STK32A: variants seen among roughly 807,000 people sequenced by gnomAD.
STK32A encodes serine/threonine-protein kinase 32A.
STK32A carries 41 observed loss-of-function variants against 53.2 expected under a neutral mutation model. That is an observed-to-expected ratio of 0.77 (90% CI 0.60 to 1.00). The LOEUF (loss-of-function observed/expected upper bound fraction) is 1.00, where lower values mean the gene tolerates loss of function less well. STK32A is among the 50% of genes least tolerant of loss of function. STK32A has a pLI of 0.00. For missense variants in STK32A, 458 were observed against 485.8 expected (o/e 0.94, Z 0.54); for synonymous variants, 166 against 162.8 (o/e 1.02, Z -0.15).
intron 2 of STK32A, among the ~76,000 whole-genome samples, chr5:147,268,834 C>A (rs1754915003): frequency 6.6e-6 from 1 of 152,112 alleles, no homozygotes; most frequent in Admixed American, 6.6e-5. Context: ...TTGATGGGAT[C>A]TGAGTTGTGA....
At chr5:147,368,758 A>G (rs527556699) in intron 8 of STK32A, among the ~76,000 whole-genome samples, 4 of 152,320 alleles carry the variant, frequency 2.6e-5, no homozygotes, top group East Asian at 1.9e-4. Flanking sequence ...TTAAAAATTA[A>G]ATTCAGTCAT....
intron 4 of STK32A, among the ~76,000 whole-genome samples, chr5:147,319,953 CT>C (rs1251700793): frequency 6.6e-6 from 1 of 152,094 alleles, no homozygotes; most frequent in East Asian, 1.9e-4. Flanking sequence ...GGTTTTCAAG[CT>C]TTTTTGACTG....
At position 147,357,292 on chromosome 5, in the gene STK32A, C is replaced by T. The variant is rs141808435; in HGVS notation, c.563-4225C>T. On this transcript the variant is annotated intron_variant, in intron 7 of 12. Coordinates refer to ENST00000397936, the MANE Select transcript of STK32A (RefSeq NM_001112724.2). Reference sequence around the variant, plus strand: ...TCATTTCCCTGCATTCTTATCAGTGCTACACTATCAATATCTTTAATTGTC... The same window carrying T: ...TCATTTCCCTGCATTCTTATCAGTGTTACACTATCAATATCTTTAATTGTC... Among the ~76,000 whole-genome samples, 425 of 152,146 alleles carry T rather than the reference C, an allele frequency of 2.8e-3. 1 individual carries two copies. The highest frequency in any genetic ancestry group is 8.5e-3 in the African/African-American group (355 of 41,536).
chr5:147,351,246 G>T, intron 7 of STK32A, 92 bp downstream of exon 7: 2 of 1,090,322 alleles, frequency 1.8e-6, no homozygotes, highest in East Asian at 2.5e-5. Flanking sequence ...AGCTAGAACT[G>T]GTAAGTTCCT....
intron 5 of STK32A, among the ~76,000 whole-genome samples, chr5:147,338,274 C>T (rs1033240046): frequency 1.1e-4 from 16 of 152,088 alleles, no homozygotes; most frequent in African/African-American, 3.9e-4. Context: ...TTATAAAGGG[C>T]AATTCCCCTG....
At chr5:147,277,621 G>T (rs1751826851) in intron 2 of STK32A, among the ~76,000 whole-genome samples, 2 of 152,102 alleles carry the variant, frequency 1.3e-5, no homozygotes, top group Admixed American at 1.3e-4. Flanking sequence ...AAGAAAATAG[G>T]CAAGGAGAAC....
the STK32A span, chr5:147,392,982 T>A: frequency 1.3e-5 from 2 of 152,222 alleles, no homozygotes; most frequent in East Asian, 3.8e-4. Context: ...CTATTTATCA[T>A]GGATGTGCCA....
At chr5:147,360,965 C>A (rs141014554) in intron 7 of STK32A, among the ~76,000 whole-genome samples, 3 of 152,174 alleles carry the variant, frequency 2.0e-5, no homozygotes, top group African/African-American at 7.2e-5. Flanking sequence ...AAAGAACCCA[C>A]AGCTGTTGTA....
the STK32A span, among the ~76,000 whole-genome samples, chr5:147,394,682 CAA>C: frequency 6.2e-5 from 9 of 144,698 alleles, no homozygotes; most frequent in East Asian, 8.0e-4. Context: ...ACAACAACAA[CAA>C]AAAAAAAAAG....
chr5:147,255,347 A>G (rs771223646), intron 2 of STK32A, among the ~76,000 whole-genome samples: 1 of 152,160 alleles, frequency 6.6e-6, no homozygotes, highest in Non-Finnish European at 1.5e-5. Context: ...AGGTTAGTTA[A>G]GGGAGGTTTC....
chr5:147,326,711 G>T (rs1323971572), intron 5 of STK32A, among the ~76,000 whole-genome samples: 1 of 152,112 alleles, frequency 6.6e-6, no homozygotes, highest in Non-Finnish European at 1.5e-5. Flanking sequence ...AGACCTACTT[G>T]TACCTTGGTC....
chr5:147,269,235 A>G (rs1019918), intron 2 of STK32A, among the ~76,000 whole-genome samples: 89,692 of 152,048 alleles, frequency 0.59, 26,812 homozygotes, highest in African/African-American at 0.67. Context: ...GTTAGCTACT[A>G]TGAATTTTTC....
intron 5 of STK32A, among the ~76,000 whole-genome samples, chr5:147,338,043 G>C (rs186646653): frequency 1.4e-4 from 21 of 152,242 alleles, no homozygotes; most frequent in Non-Finnish European, 2.6e-4. Flanking sequence ...AAGTCACCAA[G>C]AATAATAAAT....
the STK32A span, chr5:147,397,516 G>T: frequency 1.2e-6 from 1 of 815,108 alleles, no homozygotes; most frequent in Non-Finnish European, 1.8e-6. Flanking sequence ...AGTACATTAA[G>T]TCTGTGTAGT....
At chr5:147,377,363 AG>A in intron 11 of STK32A, among the ~76,000 whole-genome samples, 1 of 152,128 alleles carries the variant, frequency 6.6e-6, no homozygotes, top group South Asian at 2.1e-4. Context: ...AGCATATTCA[AG>A]ACGGTTGTTT....
Position 147,387,779 on chromosome 5 carries a change from C to T in STK32A, c.*3796C>T, listed in dbSNP as rs1332223088. 6.6e-6 allele frequency: 1 copy of T among 152,194 alleles called. No individual in the cohort carries two copies. The highest frequency in any genetic ancestry group is 2.4e-5 in the African/African-American group (1 of 41,448). The allele number at this position is 152,194 out of a possible 1,614,324, so 9.4% of individuals were successfully genotyped here. ...GATCTGGCAGCCCTCGAATGGGAAA[C>T]AAGTGCTTCTGTTGAGCTGTAGCAT... On this transcript the variant is annotated 3_prime_UTR_variant, in exon 13 of 13. Transcript: ENST00000397936.
At chr5:147,251,947 A>G (rs557411207) in intron 2 of STK32A, among the ~76,000 whole-genome samples, 30 of 152,258 alleles carry the variant, frequency 2.0e-4, no homozygotes, top group Admixed American at 2.0e-4. Context: ...TCACACCTCT[A>G]ATCCCAACAC....
At chr5:147,389,267 G>A (rs538458710), downstream of STK32A, among the ~76,000 whole-genome samples, 9 of 152,236 alleles carry the variant, frequency 5.9e-5, no homozygotes, top group East Asian at 3.9e-4. Context: ...GCAAGCTTGC[G>A]AATGGTGCCA....
At chr5:147,360,479 G>A (rs143631558) in intron 7 of STK32A, among the ~76,000 whole-genome samples, 29 of 95,522 alleles carry the variant, frequency 3.0e-4, no homozygotes, top group East Asian at 4.9e-4. Flanking sequence ...AAAAAAAAAA[G>A]AAAGAAAGAA....
Sources: allele counts gnomAD v4.1 joint callset (sites outside exome capture counted in the v4.1 genomes callset), GRCh38; gene constraint gnomAD v4.1.1; transcripts MANE v1.5; gene names NCBI Gene and HGNC (gene_info 2026-07-23, HGNC 2026-07-21).